The following MAGI2 variants were observed in gnomAD, a reference collection of about 807,000 sequenced individuals.
MAGI2 encodes membrane-associated guanylate kinase, WW and PDZ domain-containing protein 2.
A neutral mutation model predicts 133.3 loss-of-function variants in MAGI2; 35 were observed. The observed-to-expected ratio is 0.26, with a 90% CI of 0.20 to 0.35. MAGI2 has a LOEUF of 0.35. Ranked by LOEUF, MAGI2 falls within the 10% of genes least tolerant of loss-of-function variation. The pLI is 1.00. For synonymous variants in MAGI2, 729 were observed against 710.6 expected, an observed-to-expected ratio of 1.03 and a Z score of -0.41; for missense variants, 1,636 against 1,863.4, an observed-to-expected ratio of 0.88 and a Z score of 2.25.
intron 6 of MAGI2, chr7:78,485,652 C>T (rs1414137329): frequency 6.6e-6 from 1 of 151,942 alleles, no homozygotes; most frequent in Non-Finnish European, 1.5e-5. Context: ...TAACTTTACT[C>T]ATTTATGTAA....
intron 2 of MAGI2, among the ~76,000 whole-genome samples, chr7:78,719,316 A>G (rs1388782405): frequency 6.6e-6 from 1 of 152,220 alleles, no homozygotes; most frequent in African/African-American, 2.4e-5. Flanking sequence ...CATTTTTTGT[A>G]TAATAAACTA....
chr7:78,491,719 C>A (rs1793623690), intron 5 of MAGI2, among the ~76,000 whole-genome samples: 1 of 151,962 alleles, frequency 6.6e-6, no homozygotes, highest in Admixed American at 6.6e-5. Flanking sequence ...TATAAGCTAG[C>A]TTTTCTTCTG....
At chr7:79,252,886 G>A (rs1833417294) in intron 1 of MAGI2, among the ~76,000 whole-genome samples, 1 of 152,134 alleles carries the variant, frequency 6.6e-6, no homozygotes, top group Admixed American at 6.5e-5. Flanking sequence ...AAGCACTGGG[G>A]CAGTTTCTAC....
At position 79,280,926 on chromosome 7, in the gene MAGI2, GAAAAAAAAAAAAAAAAAAAAAAAAA is replaced by G. The variant is rs71095390; in HGVS notation, c.301+172069_301+172093del. Among the ~76,000 whole-genome samples, 340 of 35,798 alleles carry G rather than the reference GAAAAAAAAAAAAAAAAAAAAAAAAA, an allele frequency of 9.5e-3. 9 individuals carry two copies. The East Asian group carries it at 0.13, about 13-fold the overall frequency. The allele number at this position is 35,798 out of a possible 152,430, so 23.5% of individuals were successfully genotyped here. A position where few individuals can be genotyped will look rare whatever the true frequency, so the allele number is the denominator to read the frequency against. On this transcript the variant is annotated intron_variant, in intron 1 of 21. Coordinates refer to ENST00000354212, the MANE Select transcript of MAGI2 (RefSeq NM_012301.4). Reference sequence around the variant, plus strand: ...GGTGACAGAGCAAGACTCTGTCTCTGAAAAAAAAAAAAAAAAAAAAAAAAAAAAAAAAAAAAAAAGAATGATATAA... The same window carrying G: ...GGTGACAGAGCAAGACTCTGTCTCTGAAAAAAAAAAAAAAGAATGATATAA...
At chr7:79,238,663 G>C (rs1832134088) in intron 1 of MAGI2, among the ~76,000 whole-genome samples, 1 of 152,130 alleles carries the variant, frequency 6.6e-6, no homozygotes, top group Non-Finnish European at 1.5e-5. Flanking sequence ...AGAGTAGCTA[G>C]TCACTATTTA....
intron 10 of MAGI2, among the ~76,000 whole-genome samples, chr7:78,234,681 T>C (rs1790344686): frequency 6.6e-6 from 1 of 151,706 alleles, no homozygotes; most frequent in Non-Finnish European, 1.5e-5. Context: ...AACATGACTT[T>C]ATAAGGCTTT....
chr7:79,179,232 ATT>A (rs1310425686), intron 1 of MAGI2, among the ~76,000 whole-genome samples: 1 of 152,002 alleles, frequency 6.6e-6, no homozygotes, highest in East Asian at 1.9e-4. Context: ...GTTGTTAAAA[ATT>A]GTGAAAATTT....
chr7:79,088,406 T>G (rs943431332), intron 1 of MAGI2, among the ~76,000 whole-genome samples: 1 of 152,114 alleles, frequency 6.6e-6, no homozygotes, highest in East Asian at 1.9e-4. Context: ...ATAGGGAGAT[T>G]TGGGGCTGAG....
rs1336575202 is a variant in MAGI2, at chr7:78,384,027, T to G, written c.1046-14814A>C. Among the ~76,000 whole-genome samples, 3 of 152,260 alleles carry G rather than the reference T, an allele frequency of 2.0e-5. No homozygotes were observed. The South Asian group carries it at 6.2e-4, about 32-fold the overall frequency. Reference sequence around the variant, plus strand: ...TAATATATTTTGAAGTCAGGTAAAGTGATGACCCCAGCTTTGTTATTTTTG... The same window carrying G: ...TAATATATTTTGAAGTCAGGTAAAGGGATGACCCCAGCTTTGTTATTTTTG... On this transcript the variant is annotated intron_variant, in intron 6 of 21. Transcript: ENST00000354212.
At chr7:78,948,813 A>G (rs1801640501) in intron 2 of MAGI2, among the ~76,000 whole-genome samples, 1 of 152,082 alleles carries the variant, frequency 6.6e-6, no homozygotes. Context: ...GCTCAATACG[A>G]ACATATCACA....
At chr7:79,203,498 G>A (rs1173754308) in intron 1 of MAGI2, among the ~76,000 whole-genome samples, 1 of 151,872 alleles carries the variant, frequency 6.6e-6, no homozygotes, top group African/African-American at 2.4e-5. Context: ...TCATTAGAGA[G>A]GTAGATAATG....
intron 21 of MAGI2, among the ~76,000 whole-genome samples, chr7:78,026,946 C>G (rs1808980674): frequency 6.6e-6 from 1 of 152,170 alleles, no homozygotes; most frequent in Non-Finnish European, 1.5e-5. Context: ...GCCAGGCACT[C>G]TTTGAAGGCC....
chr7:78,074,299 A>G lies in MAGI2; in HGVS notation c.3706+4648T>C, dbSNP rs3807753. On this transcript the variant is annotated intron_variant, in intron 21 of 21. Transcript: ENST00000354212. ...ACAGATCGCCTTTGGTATTTTTTCA[A>G]TTGTACCTAGGCTTATCTCTCGGTC... 8.4e-3 allele frequency among the ~76,000 whole-genome samples: 1,273 copies of G among 152,182 alleles called. 43 individuals are homozygous for G. Among genetic ancestry groups the G allele is most frequent in the East Asian group, 0.07 (360 of 5,178 alleles).
chr7:78,938,096 T>C (rs911263096), intron 2 of MAGI2, among the ~76,000 whole-genome samples: 2 of 152,062 alleles, frequency 1.3e-5, no homozygotes, highest in African/African-American at 4.8e-5. Context: ...GTGATGATAT[T>C]TCTACACAAA....
At chr7:79,422,806 T>C (rs1433246372) in intron 1 of MAGI2, among the ~76,000 whole-genome samples, 1 of 152,036 alleles carries the variant, frequency 6.6e-6, no homozygotes, top group Admixed American at 6.6e-5. Flanking sequence ...AACTTGGAAC[T>C]ATCCAATGGC....
intron 9 of MAGI2, among the ~76,000 whole-genome samples, chr7:78,315,320 A>G (rs1361252170): frequency 6.6e-6 from 1 of 152,190 alleles, no homozygotes; most frequent in Admixed American, 6.5e-5. Flanking sequence ...AATGAATCAC[A>G]CTAACTGGCA....
At chr7:78,166,321 C>A (rs1825619444) in intron 15 of MAGI2, among the ~76,000 whole-genome samples, 1 of 152,144 alleles carries the variant, frequency 6.6e-6, no homozygotes, top group Non-Finnish European at 1.5e-5. Context: ...TTTAATTTAT[C>A]TTTAGGTTAT....
chr7:78,552,797 T>C (rs1799464353), intron 3 of MAGI2, among the ~76,000 whole-genome samples: 1 of 151,960 alleles, frequency 6.6e-6, no homozygotes, highest in Non-Finnish European at 1.5e-5. Flanking sequence ...TTCTAAGGGG[T>C]GAAGCAAGGT....
At chr7:78,239,635 G>C (rs1027273398) in intron 10 of MAGI2, among the ~76,000 whole-genome samples, 1 of 152,168 alleles carries the variant, frequency 6.6e-6, no homozygotes, top group East Asian at 1.9e-4. Flanking sequence ...ATATACAAAT[G>C]GCCAACAAGT....
Sources: allele counts gnomAD v4.1 joint callset (sites outside exome capture counted in the v4.1 genomes callset), GRCh38; gene constraint gnomAD v4.1.1; transcripts MANE v1.5; gene names NCBI Gene and HGNC (gene_info 2026-07-23, HGNC 2026-07-21).